SPATA24: variants seen among roughly 807,000 people sequenced by gnomAD.
SPATA24 encodes the protein spermatogenesis associated 24.
Under a neutral mutation model 28.9 loss-of-function variants are expected in SPATA24, and 21 were observed. The ratio of observed to expected loss-of-function variants is 0.73; its 90% CI spans 0.52 to 1.05. SPATA24 has a LOEUF of 1.05. Among genes scored for constraint, SPATA24 ranks in the 50% least tolerant of loss-of-function variants. The pLI, the probability that SPATA24 is intolerant of heterozygous loss-of-function variation, is 0.00. For missense variants in SPATA24, 215 were observed against 242.9 expected, an observed-to-expected ratio of 0.88 and a Z score of 0.76; for synonymous variants, 76 against 89.9, an observed-to-expected ratio of 0.85 and a Z score of 0.88.
intron 5 of SPATA24, 50 bp from the exon 6 acceptor site, chr5:139,396,979 G>A (rs1561991525): frequency 6.4e-7 from 1 of 1,551,558 alleles, no homozygotes; most frequent in South Asian, 1.2e-5. Flanking sequence ...AGGGTAGGTA[G>A]GGGCCAGAGG....
chr5:139,400,302 C>CTT lies in SPATA24; in HGVS notation c.385+1451_385+1452dup, dbSNP rs55789939. 5.4e-3 allele frequency among the ~76,000 whole-genome samples: 679 copies of CTT among 125,074 alleles called. 6 individuals are homozygous for CTT. The highest frequency in any genetic ancestry group is 7.7e-3 in the Non-Finnish European group (460 of 59,398). 82.1% of individuals were successfully genotyped at this position (125,074 alleles called of 152,430 possible). ...ATGTTGTGCCTGGAATTCATACCTA[C>CTT]TTTTTTTTTTTTTTTTTTTTTGAGA... is the stretch of plus-strand genomic sequence containing the variant. On this transcript the variant is annotated intron_variant, in intron 4 of 5. Coordinates refer to ENST00000450845, the MANE Select transcript of SPATA24 (RefSeq NM_194296.2).
chr5:139,392,936 G>A, downstream of SPATA24: 1 of 1,521,312 alleles, frequency 6.6e-7, no homozygotes, highest in Non-Finnish European at 8.9e-7. The surrounding 1 kb of genome is among the most constrained non-coding windows in gnomAD (Gnocchi z 5.8). Flanking sequence ...CTCCGCCGCA[G>A]GACCCCGTTG....
chr5:139,393,338 G>A, downstream of SPATA24: 1 of 1,551,252 alleles, frequency 6.4e-7, no homozygotes, highest in Non-Finnish European at 8.7e-7. Flanking sequence ...GCTACCTCTG[G>A]GGACTGCTGA....
chr5:139,397,253 TTC>T (rs1294034975), intron 4 of SPATA24, 110 bp from the exon 5 acceptor site: 2 of 753,736 alleles, frequency 2.7e-6, no homozygotes, highest in African/African-American at 3.5e-5. Context: ...CACCCAAGAG[TTC>T]TCCATGAAGA....
intron 4 of SPATA24, among the ~76,000 whole-genome samples, chr5:139,397,825 G>T (rs181715092): frequency 1.3e-5 from 2 of 152,328 alleles, no homozygotes; most frequent in African/African-American, 4.8e-5. Flanking sequence ...AAAATGCTGG[G>T]ATTACAGGCG....
At chr5:139,401,868 G>A (rs1322440029) in intron 3 of SPATA24, 43 bp from the exon 4 acceptor site, 1 of 1,547,880 alleles carries the variant, frequency 6.5e-7, no homozygotes, top group African/African-American at 1.4e-5. Context: ...AGGCTAGCAA[G>A]CAGATGCATC....
downstream of SPATA24, chr5:139,393,924 C>T: frequency 6.4e-7 from 1 of 1,551,004 alleles, no homozygotes; most frequent in African/African-American, 1.4e-5. Context: ...GCCTCACAGC[C>T]CTACTCGGAA....
chr5:139,396,308 T>C, downstream of SPATA24: 1 of 985,430 alleles, frequency 1.0e-6, no homozygotes, highest in African/African-American at 1.7e-5. Context: ...CTTCCCAGAT[T>C]GTTTCTCCAC....
At chr5:139,401,539 G>T in intron 4 of SPATA24, 3 of 677,460 alleles carry the variant, frequency 4.4e-6, no homozygotes, top group Non-Finnish European at 8.0e-6. Flanking sequence ...ATTCCTTTAT[G>T]GCGGTGAAGA....
intron 1 of SPATA24, 129 bp downstream of exon 1, chr5:139,403,815 G>T: frequency 1.3e-6 from 1 of 762,534 alleles, no homozygotes; most frequent in Non-Finnish European, 2.1e-6. Flanking sequence ...GACTGAGCCC[G>T]GCCTCCTCCT....
chr5:139,396,339 T>C (rs927962124), downstream of SPATA24: 9 of 985,316 alleles, frequency 9.1e-6, no homozygotes, highest in African/African-American at 1.4e-4. Context: ...CACACAGCAT[T>C]GTCTTTTCTC....
downstream of SPATA24, chr5:139,392,793 T>G (rs1436113417): frequency 6.8e-7 from 1 of 1,467,334 alleles, no homozygotes; most frequent in Non-Finnish European, 9.0e-7. This position sits in a 1 kb window ranked among gnomAD's most constrained non-coding sequence, Gnocchi z 5.8. Context: ...GCTGGGCCTC[T>G]ACATCCCTGT....
chr5:139,397,377 T>G (rs1758733474), intron 4 of SPATA24, among the ~76,000 whole-genome samples: 2 of 152,280 alleles, frequency 1.3e-5, no homozygotes, highest in Admixed American at 1.3e-4. Flanking sequence ...AGGACCCACA[T>G]GAGGGCAGGA....
Position 139,404,061 on chromosome 5 carries a change from CT to C in SPATA24, c.-2del, listed in dbSNP as rs1561994281. 6.4e-7 allele frequency: 1 copy of C among 1,550,982 alleles called. No individual in the cohort carries two copies. The highest frequency in any genetic ancestry group is 8.7e-7 in the Non-Finnish European group (1 of 1,146,554). ...TCGACCACCCGAGGGGCGTCGCCAT[CT>C]TCCGCCCCCGCCAGCTAGTTGGAAA... is the stretch of plus-strand genomic sequence containing the variant. On this transcript the variant is annotated 5_prime_UTR_variant, in exon 1 of 6. Transcript: ENST00000450845.
At chr5:139,394,957 T>C, downstream of SPATA24, 1 of 1,521,608 alleles carries the variant, frequency 6.6e-7, no homozygotes, top group Non-Finnish European at 8.8e-7. Context: ...GTCCGGGGGC[T>C]CCGGAGAACC....
chr5:139,394,953 G>A, downstream of SPATA24: 1 of 1,521,906 alleles, frequency 6.6e-7, no homozygotes, highest in Non-Finnish European at 8.8e-7. Context: ...CAACGTCCGG[G>A]GGCTCCGGAG....
chr5:139,392,941 C>G, downstream of SPATA24: 1 of 1,518,992 alleles, frequency 6.6e-7, no homozygotes, highest in Non-Finnish European at 8.9e-7. The surrounding 1 kb of genome is among the most constrained non-coding windows in gnomAD (Gnocchi z 5.8). Flanking sequence ...CCGCAGGACC[C>G]CGTTGGGCTG....
Position 139,401,794 on chromosome 5 carries a change from C to A in SPATA24, c.346G>T (p.Glu116Ter), listed in dbSNP as rs1316393884. ...LSSVKSKVLQ[E>*]SSKKDQLITK... ...ATGAGCTGGTCCTTCTTGCTGGACT[C>A]CTGAAGGACTTTGCTCTTGACACTG... Residue 116 changes from glutamate to a stop codon, truncating the protein, a stop_gained, in exon 4 of 6, where the codon GAG becomes TAG. Coordinates refer to ENST00000450845, the MANE Select transcript of SPATA24 (RefSeq NM_194296.2). LOFTEE classifies it high-confidence loss of function. 5.8e-6 allele frequency: 9 copies of A among 1,551,520 alleles called. No individual in the cohort carries two copies. Among genetic ancestry groups the A allele is most frequent in the East Asian group, 4.9e-5 (2 of 40,918 alleles).
Position 139,404,067 on chromosome 5 carries a change from C to G in SPATA24, c.-7G>C, listed in dbSNP as rs764678015. On this transcript the variant is annotated 5_prime_UTR_variant, in exon 1 of 6. Transcript: ENST00000450845. ...ACCCGAGGGGCGTCGCCATCTTCCG[C>G]CCCCGCCAGCTAGTTGGAAATGGCT... is the stretch of plus-strand genomic sequence containing the variant. 5 of 1,550,064 alleles carry G rather than the reference C, an allele frequency of 3.2e-6. No homozygotes were observed. Among genetic ancestry groups the G allele is most frequent in the East Asian group, 4.9e-5 (2 of 40,918 alleles).
Sources: allele counts gnomAD v4.1 joint callset (sites outside exome capture counted in the v4.1 genomes callset), GRCh38; gene constraint gnomAD v4.1.1; non-coding constraint Gnocchi (gnomAD v3.1); transcripts MANE v1.5; gene names NCBI Gene and HGNC (gene_info 2026-07-23, HGNC 2026-07-21).